Variants in NOTCH1 observed in about 807,000 individuals in gnomAD.
NOTCH1 encodes the protein neurogenic locus notch homolog protein 1.
A neutral mutation model predicts 254.8 loss-of-function variants in NOTCH1; 37 were observed. That is an observed-to-expected ratio of 0.15 (90% CI 0.11 to 0.19). The LOEUF (loss-of-function observed/expected upper bound fraction) is 0.19, where lower values mean the gene tolerates loss of function less well. Among genes scored for constraint, NOTCH1 ranks in the 10% least tolerant of loss-of-function variants. The pLI, the probability that NOTCH1 is intolerant of heterozygous loss-of-function variation, is 1.00. For missense variants in NOTCH1, 2,972 were observed against 3,708.6 expected, an observed-to-expected ratio of 0.80 and a Z score of 5.16; for synonymous variants, 1,731 against 1,618.1, an observed-to-expected ratio of 1.07 and a Z score of -1.68.
rs148214066 is a variant in NOTCH1 at position 136,533,558 on chromosome 9, G to A, written c.141-9579C>T. Among the ~76,000 whole-genome samples, 412 of 152,278 alleles carry A rather than the reference G, an allele frequency of 2.7e-3. 7 individuals carry two copies. The highest frequency in any genetic ancestry group is 0.015 in the Admixed American group (232 of 15,300). Reference sequence around the variant, plus strand: ...CAGATAGTCTCTGTGCCCACTCGACGGCCCGGCAAGCCCAGCCCCTGCCTG... The same window carrying A: ...CAGATAGTCTCTGTGCCCACTCGACAGCCCGGCAAGCCCAGCCCCTGCCTG... On this transcript the variant is annotated intron_variant, in intron 2 of 33. Transcript: ENST00000651671.
rs548299856 is a variant in NOTCH1 at position 136,545,112 on chromosome 9, A to C, written c.61+614T>G. ...AACTTCAACTCCGCAAAGCAAAAGG[A>C]AAGTTCAGTCCCCCCGGGCGCGGCG... is the stretch of plus-strand genomic sequence containing the variant. On this transcript the variant is annotated intron_variant, in intron 1 of 33. Transcript: ENST00000651671. The surrounding 1 kb of genome is among the most constrained non-coding windows in gnomAD (Gnocchi z 6.8). 1.3e-5 allele frequency among the ~76,000 whole-genome samples: 2 copies of C among 151,988 alleles called. No individual in the cohort carries two copies. The highest frequency in any genetic ancestry group is 4.2e-4 in the South Asian group (2 of 4,802).
chr9:136,509,708 A>C lies in NOTCH1; in HGVS notation c.2969+25T>G, dbSNP rs549381632. Reference sequence around the variant, plus strand: ...TGGCCCGCACCGCCCGTTCCCTTCCACGGCCTCACTCGAGCCCCGCACACC... The same window carrying C: ...TGGCCCGCACCGCCCGTTCCCTTCCCCGGCCTCACTCGAGCCCCGCACACC... On this transcript the variant is annotated intron_variant, in intron 18 of 33. Coordinates refer to ENST00000651671, the MANE Select transcript of NOTCH1 (RefSeq NM_017617.5). 4.4e-6 allele frequency: 7 copies of C among 1,604,692 alleles called. No individual in the cohort carries two copies. In the East Asian group the frequency reaches 1.6e-4, roughly 36 times the overall value.
rs376468003 is a variant in NOTCH1, at chr9:136,514,569, C to T, written c.2148G>A (p.Glu716=). ...EGYHDPTCLS[E]VNECNSNPCV... is the part of the protein sequence containing the mutation. ...AGGGGTTGCTGTTGCACTCATTGAC[C>T]TCAGACAGGCAGGTGGGGTCGTGGT... The change falls in exon 13 of 34, where the codon GAG becomes GAA. Residue 716 remains glutamate (E), a synonymous_variant. Coordinates refer to ENST00000651671, the MANE Select transcript of NOTCH1 (RefSeq NM_017617.5). The T allele has an allele frequency of 1.1e-4, 169 of 1,607,872 alleles. No homozygotes were observed. Among genetic ancestry groups the T allele is most frequent in the Non-Finnish European group, 1.1e-4 (127 of 1,178,158 alleles).
Position 136,513,468 on chromosome 9 carries a change from G to A in NOTCH1, c.2277C>T (p.Ser759=), listed in dbSNP as rs1185465649. Residue 759 remains serine (S), a synonymous_variant, in exon 14 of 34, where the codon TCC becomes TCT. Transcript: ENST00000651671. The surrounding 1 kb of genome is among the most constrained non-coding windows in gnomAD (Gnocchi z 4.7). ...AGGTGCCGCCGTTGACACAAGGGTT[G>A]GATTCACACTCATTGTTGTTGATGT... ...NCDINNNECE[S]NPCVNGGTCK... 1 of 1,613,260 alleles carries A rather than the reference G, an allele frequency of 6.2e-7. No individual in the cohort carries two copies. The highest frequency in any genetic ancestry group is 8.5e-7 in the Non-Finnish European group (1 of 1,180,012).
At chr9:136,501,665 A>T (rs927877354) in intron 30 of NOTCH1, 83 bp downstream of exon 30, 1 of 1,534,748 alleles carries the variant, frequency 6.5e-7, no homozygotes, top group African/African-American at 1.4e-5. Context: ...CCAGAGTATC[A>T]ACTGTACCCC....
intron 10 of NOTCH1, 121 bp downstream of exon 10, chr9:136,515,860 G>C (rs1843259524): frequency 1.8e-6 from 2 of 1,133,678 alleles, no homozygotes; most frequent in South Asian, 1.3e-5. Context: ...GGGCTGAGCT[G>C]TGCTCTCGGC....
chr9:136,523,756 G>A lies in NOTCH1; in HGVS notation c.364C>T (p.Leu122=), dbSNP rs1843414270. The A allele has an allele frequency of 1.2e-6, 2 of 1,611,058 alleles. No homozygotes were observed. Among genetic ancestry groups the A allele is most frequent in the Non-Finnish European group, 1.7e-6 (2 of 1,179,546 alleles). Residue 122 remains leucine, a synonymous_variant, in exon 3 of 34, where the codon CTG becomes TTG. Coordinates refer to ENST00000651671, the MANE Select transcript of NOTCH1 (RefSeq NM_017617.5). ...GGGCAGCGGCACTTGTACTCCGTCA[G>A]CGTGAGCAGGTCGCAGGTGCCCCCG... is the stretch of plus-strand genomic sequence containing the variant. ...RNGGTCDLLT[L]TEYKCRCPPG...
intron 2 of NOTCH1, among the ~76,000 whole-genome samples, chr9:136,530,079 A>AG (rs1486671656): frequency 1.3e-5 from 2 of 152,204 alleles, no homozygotes; most frequent in African/African-American, 2.4e-5. Context: ...AAAAGGAGCC[A>AG]GCCCCAAACA....
intron 9 of NOTCH1, among the ~76,000 whole-genome samples, chr9:136,516,869 A>G (rs181064740): frequency 6.6e-6 from 1 of 152,154 alleles, no homozygotes; most frequent in Admixed American, 6.5e-5. Context: ...CATGAGGCAA[A>G]ACCCTCGCTC....
At chr9:136,517,494 G>T in intron 8 of NOTCH1, 109 bp from the exon 9 acceptor site, 1 of 876,614 alleles carries the variant, frequency 1.1e-6, no homozygotes, top group Non-Finnish European at 1.8e-6. Flanking sequence ...CAGTGTCCCA[G>T]CCACCACGGG....
intron 2 of NOTCH1, among the ~76,000 whole-genome samples, chr9:136,536,450 AG>A (rs1843659008): frequency 6.6e-6 from 1 of 152,136 alleles, no homozygotes; most frequent in African/African-American, 2.4e-5. Context: ...AGCAGCCTGG[AG>A]CCAATCACAC....
intron 9 of NOTCH1, 58 bp from the exon 10 acceptor site, chr9:136,516,152 G>A (rs1843269401): frequency 7.4e-7 from 1 of 1,346,318 alleles, no homozygotes. Context: ...GGCCCTTCAG[G>A]GACCCCTGGC....
intron 17 of NOTCH1, 71 bp from the exon 18 acceptor site, chr9:136,510,032 G>A (rs1843154077): frequency 7.0e-7 from 1 of 1,427,940 alleles, no homozygotes; most frequent in African/African-American, 1.4e-5. Flanking sequence ...GGCCGGGAAG[G>A]CTGCATGGCT....
chr9:136,502,492 C>G lies in NOTCH1; in HGVS notation c.5168-4G>C, dbSNP rs751709616. 1 of 1,530,294 alleles carries G rather than the reference C, an allele frequency of 6.5e-7. No homozygotes were observed. Among genetic ancestry groups the G allele is most frequent in the Non-Finnish European group, 8.8e-7 (1 of 1,140,878 alleles). The allele number at this position is 1,530,294 out of a possible 1,614,324, so 94.8% of individuals were successfully genotyped here. On this transcript the variant is annotated splice_region_variant and splice_polypyrimidine_tract_variant and intron_variant, in intron 27 of 33. Coordinates refer to ENST00000651671, the MANE Select transcript of NOTCH1 (RefSeq NM_017617.5). The stretch of plus-strand genomic sequence containing the variant: ...GGGGGCGGCTCCACGGTCTCACCTG[C>G]GGGCACGGGGGCCAGGGGCAGGTGC...
chr9:136,522,553 T>G, intron 4 of NOTCH1: 1 of 434,502 alleles, frequency 2.3e-6, no homozygotes, highest in Non-Finnish European at 4.1e-6. Flanking sequence ...GTTGCGCAAG[T>G]CAGGGTGCCT....
chr9:136,524,242 G>GTTGCAGTGA (rs1409287036), intron 2 of NOTCH1, among the ~76,000 whole-genome samples: 1 of 152,206 alleles, frequency 6.6e-6, no homozygotes, highest in Non-Finnish European at 1.5e-5. Flanking sequence ...GGAGGCAGAG[G>GTTGCAGTGA]TTGCAGTGAG....
intron 2 of NOTCH1, among the ~76,000 whole-genome samples, chr9:136,526,324 C>T (rs3124608): frequency 0.4 from 60,901 of 152,118 alleles, 13,223 homozygotes; most frequent in East Asian, 0.81. Flanking sequence ...CCACAGCTCC[C>T]GCTTGGAGAA....
In NOTCH1 at chr9:136,523,998, G is replaced by C. The variant is rs1843419541; in HGVS notation, c.141-19C>G. The C allele has an allele frequency of 6.5e-7, 1 of 1,543,112 alleles. No homozygotes were observed. Among genetic ancestry groups the C allele is most frequent in the Non-Finnish European group, 8.7e-7 (1 of 1,146,818 alleles). ...GCCACAGCTGTTGGCAGATGTGCCAGGGCAGTTAGTTCCCACCTGCTTCCC... is the reference window on the plus strand; with the variant it reads ...GCCACAGCTGTTGGCAGATGTGCCACGGCAGTTAGTTCCCACCTGCTTCCC... On this transcript the variant is annotated intron_variant, in intron 2 of 33. Transcript: ENST00000651671.
At position 136,523,755 on chromosome 9, in the gene NOTCH1, A is replaced by C. The variant is rs984769025; in HGVS notation, c.365T>G (p.Leu122Arg). ...CGGGCAGCGGCACTTGTACTCCGTCAGCGTGAGCAGGTCGCAGGTGCCCCC... is the reference window on the plus strand; with the variant it reads ...CGGGCAGCGGCACTTGTACTCCGTCCGCGTGAGCAGGTCGCAGGTGCCCCC... Reference protein sequence around the residue: ...RNGGTCDLLTLTEYKCRCPPG... With the variant: ...RNGGTCDLLTRTEYKCRCPPG... Residue 122 changes from leucine to arginine, a missense_variant, in exon 3 of 34, where the codon CTG becomes CGG. By Grantham distance (102) the Leu-to-Arg change is moderately radical. Coordinates refer to ENST00000651671, the MANE Select transcript of NOTCH1 (RefSeq NM_017617.5). 3 of 1,610,958 alleles carry C rather than the reference A, an allele frequency of 1.9e-6. No individual in the cohort carries two copies. The highest frequency in any genetic ancestry group is 2.7e-5 in the African/African-American group (2 of 74,902).
Sources: allele counts gnomAD v4.1 joint callset (sites outside exome capture counted in the v4.1 genomes callset), GRCh38; gene constraint gnomAD v4.1.1; non-coding constraint Gnocchi (gnomAD v3.1); transcripts MANE v1.5; gene names NCBI Gene and HGNC (gene_info 2026-07-23, HGNC 2026-07-21).